ANTXRL: variants seen among roughly 807,000 people sequenced by gnomAD.
ANTXRL encodes the protein anthrax toxin receptor-like.
In ANTXRL, 63 loss-of-function variants were observed where a neutral mutation model predicts 75.4. The observed-to-expected ratio is 0.84, with a 90% confidence interval of 0.68 to 1.03. The LOEUF (loss-of-function observed/expected upper bound fraction) is 1.03, where lower values mean the gene tolerates loss of function less well. Ranked by LOEUF, ANTXRL falls within the 50% of genes least tolerant of loss-of-function variation. The probability of loss-of-function intolerance (pLI) is 0.00; values close to 1 mark genes in which losing one functional copy is unlikely to be tolerated. For synonymous variants in ANTXRL, 335 were observed against 291.3 expected (o/e 1.15, Z -1.53); for missense variants, 797 against 789.4 (o/e 1.01, Z -0.12).
At chr10:46,294,616 G>A (rs1554957984) in intron 3 of ANTXRL, among the ~76,000 whole-genome samples, 2 of 152,104 alleles carry the variant, frequency 1.3e-5, no homozygotes, top group Non-Finnish European at 2.9e-5. Context: ...TTGCAGTTTC[G>A]AGGGAATACA....
intron 16 of ANTXRL, among the ~76,000 whole-genome samples, chr10:46,323,765 T>C (rs1280069999): frequency 6.6e-6 from 1 of 152,140 alleles, no homozygotes; most frequent in Non-Finnish European, 1.5e-5. Flanking sequence ...AGGTTTAGTG[T>C]AGTTTGGAAG....
chr10:46,310,031 T>C (rs1554963028), intron 13 of ANTXRL, among the ~76,000 whole-genome samples: 1 of 152,000 alleles, frequency 6.6e-6, no homozygotes, highest in East Asian at 1.9e-4. Context: ...CATGTCTGCA[T>C]AGGGAGCTGC....
intron 15 of ANTXRL, 65 bp downstream of exon 15, chr10:46,311,730 T>G: frequency 1.5e-6 from 1 of 681,518 alleles, no homozygotes; most frequent in East Asian, 2.8e-5. Context: ...AGGGGGCAGA[T>G]GGGTCCCACT....
intron 3 of ANTXRL, 90 bp from the exon 4 acceptor site, chr10:46,295,925 TGGCG>T: frequency 1.0e-6 from 1 of 990,714 alleles, no homozygotes; most frequent in Non-Finnish European, 1.5e-6. Flanking sequence ...CCAGGAGGAC[TGGCG>T]CAAAGAACAG....
At chr10:46,316,926 C>T (rs995627793) in intron 16 of ANTXRL, among the ~76,000 whole-genome samples, 11 of 152,074 alleles carry the variant, frequency 7.2e-5, no homozygotes, top group Non-Finnish European at 1.5e-4. Context: ...ATTGGCGTGT[C>T]TCTATGGGTG....
At chr10:46,291,229 C>T (rs1334724302) in intron 1 of ANTXRL, among the ~76,000 whole-genome samples, 2 of 152,116 alleles carry the variant, frequency 1.3e-5, no homozygotes, top group African/African-American at 2.4e-5. Flanking sequence ...GGTTGGAAAT[C>T]GTTTGACCAC....
intron 1 of ANTXRL, among the ~76,000 whole-genome samples, chr10:46,290,460 T>C (rs185631092): frequency 6.6e-6 from 1 of 152,326 alleles, no homozygotes; most frequent in Admixed American, 6.5e-5. Flanking sequence ...CTCTCACTTC[T>C]TTTTGGTATA....
At position 46,309,219 on chromosome 10, in the gene ANTXRL, C is replaced by T. The variant is rs1355725260; in HGVS notation, c.1134+17C>T. On this transcript the variant is annotated intron_variant, in intron 13 of 16. Coordinates refer to ENST00000620264, the MANE Select transcript of ANTXRL (RefSeq NM_001278688.3). ...CGCAAGCAGGCAAGTGCTCCCTGCC[C>T]GCCCAGCTCTGGGGCCCAGGCACAG... The T allele has an allele frequency of 4.0e-5, 61 of 1,535,474 alleles. No individual in the cohort carries two copies. Among genetic ancestry groups the T allele is most frequent in the Non-Finnish European group, 3.4e-5 (39 of 1,146,706 alleles).
chr10:46,298,013 G>A lies in ANTXRL; in HGVS notation c.747G>A (p.Lys249=), dbSNP rs1264455353. 1.6e-5 allele frequency: 25 copies of A among 1,535,938 alleles called. No homozygotes were observed. Among genetic ancestry groups the A allele is most frequent in the African/African-American group, 1.1e-4 (8 of 73,118 alleles). ...LRSTIDALTS[K]VCLDVTSVEP... is the part of the protein sequence containing the mutation. ...CTCCTGTGTTCCAGCTCACGTCAAAGGTCTGTCTTGATGTGACATCGGTGG... is the reference window on the plus strand; with the variant it reads ...CTCCTGTGTTCCAGCTCACGTCAAAAGTCTGTCTTGATGTGACATCGGTGG... The change falls in exon 9 of 17, where the codon AAG becomes AAA. Residue 249 remains lysine, a synonymous_variant. Coordinates refer to ENST00000620264, the MANE Select transcript of ANTXRL (RefSeq NM_001278688.3).
intron 13 of ANTXRL, 59 bp downstream of exon 13, chr10:46,309,261 A>C (rs1191622521): frequency 2.7e-5 from 41 of 1,517,572 alleles, no homozygotes; most frequent in Non-Finnish European, 3.4e-5. Context: ...CCTCTGAGGG[A>C]CTCTAACATG....
intron 13 of ANTXRL, among the ~76,000 whole-genome samples, 190 bp from the exon 14 acceptor site, chr10:46,310,271 G>A (rs1174677553): frequency 6.6e-6 from 1 of 152,112 alleles, no homozygotes; most frequent in Non-Finnish European, 1.5e-5. Flanking sequence ...CCTTTGGTAA[G>A]GTTGGAGGCT....
intron 9 of ANTXRL, among the ~76,000 whole-genome samples, chr10:46,299,911 C>T (rs564009430): frequency 1.3e-5 from 2 of 152,318 alleles, no homozygotes; most frequent in South Asian, 2.1e-4. Flanking sequence ...CCATGCAGAG[C>T]TGAGGGCAGG....
At chr10:46,294,384 G>C (rs1554957909) in intron 3 of ANTXRL, among the ~76,000 whole-genome samples, 1 of 152,066 alleles carries the variant, frequency 6.6e-6, no homozygotes, top group African/African-American at 2.4e-5. Flanking sequence ...GGGAGCCCCT[G>C]GGTGGGGTTC....
intron 7 of ANTXRL, 32 bp from the exon 8 acceptor site, chr10:46,297,799 T>C: frequency 6.5e-7 from 1 of 1,528,844 alleles, no homozygotes; most frequent in Non-Finnish European, 8.8e-7. Flanking sequence ...CACCTCCTGG[T>C]GGGGAGTCCA....
In ANTXRL at chr10:46,296,233, C is replaced by A. The variant is rs185764450; in HGVS notation, c.489C>A (p.Ile163=). 3.3e-6 allele frequency: 5 copies of A among 1,535,686 alleles called. No individual in the cohort carries two copies. The African/African-American group carries it at 5.5e-5, about 17-fold the overall frequency. Residue 163 remains isoleucine, a synonymous_variant, in exon 5 of 17, where the codon ATC becomes ATA. Coordinates refer to ENST00000620264, the MANE Select transcript of ANTXRL (RefSeq NM_001278688.3). Reference sequence around the variant, plus strand: ...TTTTCTTGCAGGCAATTCAACAGATCGAAAGTTTCAACTCCGGAAGTAAGC... The same window carrying A: ...TTTTCTTGCAGGCAATTCAACAGATAGAAAGTTTCAACTCCGGAAGTAAGC... ...QAGFRKAIQQ[I]ESFNSGNKVP... is the part of the protein sequence containing the mutation.
rs1554967178 is a variant in ANTXRL, at chr10:46,329,749, C to T, written c.1561C>T (p.Leu521Phe). The T allele has an allele frequency of 6.5e-7, 1 of 1,534,736 alleles. No homozygotes were observed. Among genetic ancestry groups the T allele is most frequent in the Non-Finnish European group, 8.7e-7 (1 of 1,146,618 alleles). Residue 521 changes from leucine (L) to phenylalanine (F), a missense_variant, in exon 17 of 17, where the codon CTC becomes TTC. Around this residue, in one of 3 missense-constraint regions of ANTXRL, gnomAD observed 479 missense variants for 422.0 expected, o/e 1.14. Coordinates refer to ENST00000620264, the MANE Select transcript of ANTXRL (RefSeq NM_001278688.3). ...RMCLRHSREC[L>F]ALKQARCSPN... ...GTGCCTGAGACACAGCCGGGAGTGC[C>T]TCGCCCTCAAACAGGCTCGCTGCAG...
chr10:46,311,202 G>A (rs772021242), intron 14 of ANTXRL, among the ~76,000 whole-genome samples: 17 of 152,132 alleles, frequency 1.1e-4, no homozygotes, highest in Non-Finnish European at 1.9e-4. Flanking sequence ...AGGGGAGGCT[G>A]CATCTGCAAC....
intron 16 of ANTXRL, among the ~76,000 whole-genome samples, chr10:46,328,386 C>G (rs1839329954): frequency 6.6e-6 from 1 of 152,228 alleles, no homozygotes; most frequent in Admixed American, 6.5e-5. Flanking sequence ...AACAATTCTC[C>G]TTGAAAAGGC....
chr10:46,293,714 C>A, intron 2 of ANTXRL, 115 bp from the exon 3 acceptor site: 1 of 837,662 alleles, frequency 1.2e-6, no homozygotes, highest in Non-Finnish European at 1.9e-6. Flanking sequence ...CTCCTTGTGT[C>A]CAGCAAGGGG....
Sources: gnomAD v4.1 joint callset for allele counts (sites outside exome capture counted in the v4.1 genomes callset) on GRCh38, gnomAD v4.1.1 for gene constraint, gnomAD v4.1.1 regional missense constraint, MANE v1.5 for transcripts, NCBI Gene and HGNC (gene_info 2026-07-23, HGNC 2026-07-21) for gene names.